The following UBIAD1 variants were observed in gnomAD, a reference collection of about 807,000 sequenced individuals.
The protein encoded by UBIAD1 is UbiA prenyltransferase domain containing 1, also known as ubiA prenyltransferase domain-containing protein 1.
UBIAD1 carries 12 observed loss-of-function variants against 20.1 expected under a neutral mutation model. The ratio of observed to expected loss-of-function variants is 0.60; its 90% CI spans 0.38 to 0.97. UBIAD1 has a LOEUF of 0.97. UBIAD1 is among the 50% of genes least tolerant of loss of function. The probability of loss-of-function intolerance (pLI) is 0.00; values close to 1 mark genes in which losing one functional copy is unlikely to be tolerated. For synonymous variants in UBIAD1, 207 were observed against 189.2 expected (o/e 1.09, Z -0.77); for missense variants, 333 against 419.5 (o/e 0.79, Z 1.80).
chr1:11,298,697 T>C (rs1165859659), downstream of UBIAD1, among the ~76,000 whole-genome samples: 1 of 152,244 alleles, frequency 6.6e-6, no homozygotes, highest in Non-Finnish European at 1.5e-5. The surrounding 1 kb of genome is among the most constrained non-coding windows in gnomAD (Gnocchi z 4.0). Flanking sequence ...GCAGTTATTA[T>C]CCTGGGTATT....
intron 1 of UBIAD1, among the ~76,000 whole-genome samples, chr1:11,284,568 A>G (rs570048539): frequency 6.6e-6 from 1 of 152,162 alleles, no homozygotes; most frequent in South Asian, 2.1e-4. Flanking sequence ...AGGCTCAAGC[A>G]TTTTCCCTGC....
intron 1 of UBIAD1, among the ~76,000 whole-genome samples, chr1:11,281,371 T>TC (rs1161393444): frequency 2.0e-5 from 3 of 152,144 alleles, no homozygotes; most frequent in Non-Finnish European, 4.4e-5. Flanking sequence ...TCTTCCCCCT[T>TC]CGACTGCGAG....
chr1:11,280,565 A>G (rs1020371593), intron 1 of UBIAD1, among the ~76,000 whole-genome samples: 1 of 152,166 alleles, frequency 6.6e-6, no homozygotes, highest in African/African-American at 2.4e-5. Flanking sequence ...TCTTCTCCCC[A>G]AGGAAACCTG....
At chr1:11,289,555 C>CTTTA (rs1030926367), downstream of UBIAD1, among the ~76,000 whole-genome samples, 2 of 151,928 alleles carry the variant, frequency 1.3e-5, no homozygotes, top group South Asian at 2.1e-4. Flanking sequence ...CATCACTTGT[C>CTTTA]TTTATTTATT....
intron 1 of UBIAD1, 110 bp downstream of exon 1, chr1:11,274,170 G>T (rs1025442559): frequency 3.6e-5 from 48 of 1,330,306 alleles, no homozygotes; most frequent in South Asian, 3.6e-4. Flanking sequence ...AATTTAAGCC[G>T]CTTTAATTGA....
In UBIAD1 at chr1:11,278,438, G is replaced by A. The variant is rs898028548; in HGVS notation, c.529+4378G>A. 2.6e-5 allele frequency among the ~76,000 whole-genome samples: 4 copies of A among 152,146 alleles called. No homozygotes were observed. The East Asian group carries it at 7.7e-4, about 29-fold the overall frequency. On this transcript the variant is annotated intron_variant, in intron 1 of 1. Coordinates refer to ENST00000376810, the MANE Select transcript of UBIAD1 (RefSeq NM_013319.3). ...TTGGGTTGCATTTTTCCTGTTACCTGAAAACATAATGGGTGTACATATATT... is the reference window on the plus strand; with the variant it reads ...TTGGGTTGCATTTTTCCTGTTACCTAAAAACATAATGGGTGTACATATATT...
downstream of UBIAD1, chr1:11,295,907 T>G (rs1488248527): frequency 2.6e-5 from 4 of 152,196 alleles, no homozygotes; most frequent in East Asian, 7.7e-4. Flanking sequence ...AGTGTCAACA[T>G]AGACACTTGT....
chr1:11,296,017 T>C (rs1166214730), downstream of UBIAD1: 1 of 152,188 alleles, frequency 6.6e-6, no homozygotes, highest in Non-Finnish European at 1.5e-5. Context: ...GCAGAAGAGA[T>C]GAACTTCTCC....
At chr1:11,293,535 TG>T (rs1638400832) in intron 1 of UBIAD1, 1 of 152,266 alleles carries the variant, frequency 6.6e-6, no homozygotes, top group Admixed American at 6.5e-5. Context: ...GTTGAATGAC[TG>T]AGTTACATGG....
intron 1 of UBIAD1, 130 bp downstream of exon 1, chr1:11,274,190 T>C: frequency 8.5e-7 from 1 of 1,178,212 alleles, no homozygotes; most frequent in Non-Finnish European, 1.2e-6. Flanking sequence ...AAGTCTATAA[T>C]TGTGGGTGAT....
downstream of UBIAD1, among the ~76,000 whole-genome samples, chr1:11,291,499 C>T (rs1446687300): frequency 2.0e-5 from 3 of 150,514 alleles, no homozygotes; most frequent in Non-Finnish European, 4.4e-5. Context: ...CCCAGCGACT[C>T]GGGAGGCTGA....
chr1:11,285,381 G>C lies in UBIAD1; in HGVS notation c.530-263G>C, dbSNP rs754565867. On this transcript the variant is annotated intron_variant, in intron 1 of 1. Transcript: ENST00000376810. The surrounding 1 kb of genome is among the most constrained non-coding windows in gnomAD (Gnocchi z 4.4). ...CTAGTGTGCTATGTTGCAGAGCTCT[G>C]TTGGGGGACAGTAGGAAGGGAAACT... Among the ~76,000 whole-genome samples the C allele has an allele frequency of 6.6e-6, 1 of 152,162 alleles. No individual in the cohort carries two copies. Among genetic ancestry groups the C allele is most frequent in the East Asian group, 1.9e-4 (1 of 5,192 alleles).
At chr1:11,289,415 G>A (rs879263103), downstream of UBIAD1, among the ~76,000 whole-genome samples, 1 of 152,118 alleles carries the variant, frequency 6.6e-6, no homozygotes, top group East Asian at 1.9e-4. Flanking sequence ...GAAAAATGTA[G>A]TGTGAATAAA....
intron 1 of UBIAD1, chr1:11,278,644 TG>T: frequency 6.7e-7 from 1 of 1,482,654 alleles, no homozygotes; most frequent in Non-Finnish European, 9.0e-7. Context: ...CCAGTGGCTG[TG>T]GAAGCTTCAT....
Position 11,273,713 on chromosome 1 carries a change from C to T in UBIAD1, c.182C>T (p.Ser61Leu). Residue 61 changes from serine to leucine, a missense_variant, in exon 1 of 2, where the codon TCA becomes TTA. Coordinates refer to ENST00000376810, the MANE Select transcript of UBIAD1 (RefSeq NM_013319.3). The surrounding 1 kb of genome is among the most constrained non-coding windows in gnomAD (Gnocchi z 4.9). Reference sequence around the variant, plus strand: ...CTGAGGCCCTGGAGCTTCAGTGCCTCACTCACACCGGTGGCCCTGGGCAGT... The same window carrying T: ...CTGAGGCCCTGGAGCTTCAGTGCCTTACTCACACCGGTGGCCCTGGGCAGT... ...LALRPWSFSA[S>L]LTPVALGSAL... The T allele has an allele frequency of 6.2e-7, 1 of 1,614,170 alleles. No individual in the cohort carries two copies. The highest frequency in any genetic ancestry group is 2.2e-5 in the East Asian group (1 of 44,890).
Position 11,285,596 on chromosome 1 carries a change from A to C in UBIAD1, c.530-48A>C. ...CTCTTCACTGGTGAACAGTCCCTAA[A>C]TTTCCAGCCTTGGTCTCACACCAAC... is the stretch of plus-strand genomic sequence containing the variant. On this transcript the variant is annotated intron_variant, in intron 1 of 1. Transcript: ENST00000376810. The surrounding 1 kb of genome is among the most constrained non-coding windows in gnomAD (Gnocchi z 4.4). 6.2e-7 allele frequency: 1 copy of C among 1,613,462 alleles called. No individual in the cohort carries two copies. Among genetic ancestry groups the C allele is most frequent in the Non-Finnish European group, 8.5e-7 (1 of 1,180,012 alleles).
intron 1 of UBIAD1, chr1:11,278,590 C>T: frequency 1.5e-6 from 2 of 1,339,102 alleles, no homozygotes; most frequent in Non-Finnish European, 2.0e-6. Context: ...TGATATAAGA[C>T]AAGTTTGAGA....
At chr1:11,277,302 T>C (rs1652070214) in intron 1 of UBIAD1, among the ~76,000 whole-genome samples, 1 of 151,480 alleles carries the variant, frequency 6.6e-6, no homozygotes, top group African/African-American at 2.4e-5. Context: ...ACTTTTTTTT[T>C]TTTTTTTAAT....
chr1:11,298,996 C>CCTT (rs1638490772), downstream of UBIAD1, among the ~76,000 whole-genome samples: 1 of 152,134 alleles, frequency 6.6e-6, no homozygotes, highest in South Asian at 2.1e-4. This position sits in a 1 kb window ranked among gnomAD's most constrained non-coding sequence, Gnocchi z 4.0. Flanking sequence ...TGGTGAGGAG[C>CCTT]GAAGATAACC....
Sources: allele counts gnomAD v4.1 joint callset (sites outside exome capture counted in the v4.1 genomes callset), GRCh38; gene constraint gnomAD v4.1.1; non-coding constraint Gnocchi (gnomAD v3.1); transcripts MANE v1.5; gene names NCBI Gene and HGNC (gene_info 2026-07-23, HGNC 2026-07-21).